The following ELAC2 variants were observed in gnomAD, a reference collection of about 807,000 sequenced individuals.
ELAC2 encodes the protein zinc phosphodiesterase ELAC protein 2.
ELAC2 carries 92 observed loss-of-function variants against 105.2 expected under a neutral mutation model. That is an observed-to-expected ratio of 0.87 (90% CI 0.74 to 1.04). ELAC2 has a LOEUF of 1.04. Ranked by LOEUF, ELAC2 falls within the 50% of genes least tolerant of loss-of-function variation. ELAC2 has a pLI of 0.00. For synonymous variants in ELAC2, 468 were observed against 409.1 expected, an observed-to-expected ratio of 1.14 and a Z score of -1.74; for missense variants, 1,099 against 1,071.7, an observed-to-expected ratio of 1.03 and a Z score of -0.36.
chr17:13,002,133 T>C (rs1411243586), intron 14 of ELAC2, 141 bp downstream of exon 14: 1 of 908,722 alleles, frequency 1.1e-6, no homozygotes, highest in Non-Finnish European at 1.7e-6. Context: ...CGTGTTTCTT[T>C]TGTGCTCAAA....
At chr17:13,007,963 G>A (rs1335776968) in intron 8 of ELAC2, among the ~76,000 whole-genome samples, 1 of 152,160 alleles carries the variant, frequency 6.6e-6, no homozygotes, top group Non-Finnish European at 1.5e-5. Context: ...CACTTTAGGA[G>A]GCTGAGGAAG....
chr17:13,016,608 C>T (rs1053015642), intron 3 of ELAC2, among the ~76,000 whole-genome samples: 2 of 151,942 alleles, frequency 1.3e-5, no homozygotes, highest in South Asian at 2.1e-4. Context: ...AAAACCCCGT[C>T]GCTACAAAAC....
intron 8 of ELAC2, 43 bp from the exon 9 acceptor site, chr17:13,006,022 A>G (rs763201022): frequency 1.3e-6 from 2 of 1,586,340 alleles, no homozygotes; most frequent in South Asian, 2.2e-5. Flanking sequence ...GGGCTAATGA[A>G]GAAGGTTGGT....
In ELAC2 at chr17:13,002,518, G is replaced by A. The variant is rs1241041905; in HGVS notation, c.1141C>T (p.Arg381Cys). Reference protein sequence around the residue: ...NENCASVHNLRSHKIQTQLNL... With the variant: ...NENCASVHNLCSHKIQTQLNL... ...AGCTGGGTTTGAATCTTGTGGCTGC[G>A]AAGGTTGTGAACTGAGGCACAGTTC... Residue 381 changes from arginine (R) to cysteine (C), a missense_variant, in exon 13 of 24, where the codon CGC (arginine) becomes TGC (cysteine). By Grantham distance (180) the Arg-to-Cys change is radical. Transcript: ENST00000338034. 4 of 1,605,428 alleles carry A rather than the reference G, an allele frequency of 2.5e-6. No individual in the cohort carries two copies. The highest frequency in any genetic ancestry group is 3.4e-6 in the Non-Finnish European group (4 of 1,175,298).
In ELAC2 at chr17:12,991,923, G is replaced by A. The variant is rs1232538611; in HGVS notation, c.*895C>T. Among the ~76,000 whole-genome samples the A allele has an allele frequency of 2.0e-5, 3 of 151,996 alleles. No individual in the cohort carries two copies. The highest frequency in any genetic ancestry group is 2.9e-5 in the Non-Finnish European group (2 of 68,016). ...CTCCATTTGTCGAGCACTAATCCAC[G>A]TCTGTAAATCCCGCAAGGAGGACAA... On this transcript the variant is annotated 3_prime_UTR_variant, in exon 24 of 24. Coordinates refer to ENST00000338034, the MANE Select transcript of ELAC2 (RefSeq NM_018127.7).
intron 15 of ELAC2, among the ~76,000 whole-genome samples, chr17:12,999,854 T>G (rs1206637271): frequency 6.6e-6 from 1 of 152,186 alleles, no homozygotes; most frequent in African/African-American, 2.4e-5. Context: ...AGACGGGGTT[T>G]CATCATGTTA....
At chr17:13,003,621 C>T (rs1831042529) in intron 11 of ELAC2, 47 bp from the exon 12 acceptor site, 5 of 1,565,710 alleles carry the variant, frequency 3.2e-6, no homozygotes, top group Non-Finnish European at 4.4e-6. Flanking sequence ...ACTCAGGACA[C>T]ACCAAGACAG....
chr17:13,003,231 C>T (rs1447180570), intron 12 of ELAC2, among the ~76,000 whole-genome samples: 1 of 152,204 alleles, frequency 6.6e-6, no homozygotes, highest in Non-Finnish European at 1.5e-5. Flanking sequence ...TGTTCAGACA[C>T]CCTGAAGAGT....
At chr17:13,001,571 C>T (rs890390188) in intron 14 of ELAC2, among the ~76,000 whole-genome samples, 4 of 151,982 alleles carry the variant, frequency 2.6e-5, no homozygotes, top group Non-Finnish European at 5.9e-5. Flanking sequence ...TGTTCACTTT[C>T]CTGGTTGGAT....
At chr17:13,002,675 T>C (rs1255243172) in intron 12 of ELAC2, 96 bp from the exon 13 acceptor site, 2 of 1,537,912 alleles carry the variant, frequency 1.3e-6, no homozygotes, top group Non-Finnish European at 1.8e-6. Flanking sequence ...GAGGATGAGG[T>C]GTTCAAACAG....
In ELAC2 at chr17:12,992,400, C is replaced by CA. The variant is rs2040227784; in HGVS notation, c.*417dup. The CA allele has an allele frequency of 2.8e-6, 1 of 362,728 alleles. No homozygotes were observed. Among genetic ancestry groups the CA allele is most frequent in the Admixed American group, 4.4e-5 (1 of 22,850 alleles). The allele number at this position is 362,728 out of a possible 1,614,324, so 22.5% of individuals were successfully genotyped here. A position where few individuals can be genotyped will look rare whatever the true frequency, so the allele number is the denominator to read the frequency against. ...GCAAAAGAACTCACAATTGCAAACT[C>CA]AATCTTTATTGCAGCTGAAATACTA... is the stretch of plus-strand genomic sequence containing the variant. On this transcript the variant is annotated 3_prime_UTR_variant, in exon 24 of 24. Transcript: ENST00000338034.
At chr17:13,016,984 C>G (rs755329373) in intron 2 of ELAC2, 52 bp from the exon 3 acceptor site, 37 of 1,612,960 alleles carry the variant, frequency 2.3e-5, no homozygotes, top group Non-Finnish European at 2.9e-5. Flanking sequence ...ACAAGGACCA[C>G]TTTTGCTATA....
At chr17:13,013,355 C>T (rs1158657486) in intron 5 of ELAC2, 80 bp from the exon 6 acceptor site, 7 of 1,443,432 alleles carry the variant, frequency 4.8e-6, no homozygotes, top group African/African-American at 2.8e-5. Flanking sequence ...TCACCAACCA[C>T]GAGCAACTGA....
At chr17:13,002,216 T>G in intron 14 of ELAC2, 58 bp downstream of exon 14, 1 of 1,581,788 alleles carries the variant, frequency 6.3e-7, no homozygotes, top group South Asian at 1.1e-5. Flanking sequence ...TGTGGCTATT[T>G]ACAGAAATGT....
chr17:12,995,709 T>C lies in ELAC2; in HGVS notation c.1802A>G (p.His601Arg). ...YHNQCQEVLH[H>R]ISMIPAKCLQ... ...GGCTGCCCTGGATGCTCACCTGATGTGGTGCAGGACCTCCTGGCACTGGTT... is the reference window on the plus strand; with the variant it reads ...GGCTGCCCTGGATGCTCACCTGATGCGGTGCAGGACCTCCTGGCACTGGTT... The change falls in exon 19 of 24, where the codon CAC (histidine) becomes CGC (arginine). Residue 601 changes from histidine to arginine, a missense_variant. Physicochemically the swap from His to Arg is conservative, Grantham distance 29. Transcript: ENST00000338034. 6.2e-7 allele frequency: 1 copy of C among 1,610,434 alleles called. No homozygotes were observed. Among genetic ancestry groups the C allele is most frequent in the South Asian group, 1.1e-5 (1 of 90,096 alleles).
chr17:12,999,219 C>G (rs754669020), intron 15 of ELAC2, among the ~76,000 whole-genome samples: 1 of 152,312 alleles, frequency 6.6e-6, no homozygotes, highest in South Asian at 2.1e-4. Context: ...TAAAAAATGA[C>G]ATTTCTTTAT....
In ELAC2 at chr17:12,992,626, C is replaced by T; in HGVS notation, c.*192G>A. 4.7e-6 allele frequency: 3 copies of T among 635,916 alleles called. No homozygotes were observed. The highest frequency in any genetic ancestry group is 2.8e-5 in the East Asian group (1 of 36,174). The allele number at this position is 635,916 out of a possible 1,614,324, so 39.4% of individuals were successfully genotyped here. A position where few individuals can be genotyped will look rare whatever the true frequency, so the allele number is the denominator to read the frequency against. ...TCCTGGCCCGCGGCTGTGCCAGGCACCAGTCCTAAGAGGCATCTATAGACT... is the reference window on the plus strand; with the variant it reads ...TCCTGGCCCGCGGCTGTGCCAGGCATCAGTCCTAAGAGGCATCTATAGACT... On this transcript the variant is annotated 3_prime_UTR_variant, in exon 24 of 24. Transcript: ENST00000338034.
rs572410103 is a variant in ELAC2, at chr17:12,998,341, T to C, written c.1520+71A>G. On this transcript the variant is annotated intron_variant, in intron 16 of 23. Transcript: ENST00000338034. ...ACCGCATTTCAAATCGACTGGTGAG[T>C]ACAGCAGGACTTTTGTTTAAAAAGT... 9.8e-6 allele frequency: 14 copies of C among 1,424,632 alleles called. No homozygotes were observed. In the South Asian group the frequency reaches 1.2e-4, roughly 12 times the overall value. 88.2% of individuals were successfully genotyped at this position (1,424,632 alleles called of 1,614,324 possible). A position where few individuals can be genotyped will look rare whatever the true frequency, so the allele number is the denominator to read the frequency against.
intron 4 of ELAC2, 147 bp from the exon 5 acceptor site, chr17:13,014,643 T>C: frequency 1.4e-6 from 1 of 710,316 alleles, no homozygotes; most frequent in Admixed American, 2.1e-5. Flanking sequence ...AAATATTTAC[T>C]GAGTATCCAT....
Sources: allele counts gnomAD v4.1 joint callset (sites outside exome capture counted in the v4.1 genomes callset), GRCh38; gene constraint gnomAD v4.1.1; transcripts MANE v1.5; gene names NCBI Gene and HGNC (gene_info 2026-07-23, HGNC 2026-07-21).